Variants in OXCT1 observed in about 807,000 individuals in gnomAD.
OXCT1 encodes 3-oxoacid CoA-transferase 1, also known as succinyl-CoA:3-ketoacid coenzyme A transferase 1, mitochondrial.
In OXCT1, 27 loss-of-function variants were observed where a neutral mutation model predicts 69.6. The observed-to-expected ratio is 0.39, with a 90% confidence interval of 0.29 to 0.54. The LOEUF is 0.54. Ranked by LOEUF, OXCT1 falls within the 20% of genes least tolerant of loss-of-function variation. The pLI, the probability that OXCT1 is intolerant of heterozygous loss-of-function variation, is 0.72. For synonymous variants in OXCT1, 202 were observed against 217.8 expected (o/e 0.93, Z 0.64); for missense variants, 437 against 650.2 (o/e 0.67, Z 3.57).
chr5:41,842,071 A>G (rs571664634), intron 6 of OXCT1, among the ~76,000 whole-genome samples: 1 of 152,352 alleles, frequency 6.6e-6, no homozygotes, highest in Non-Finnish European at 1.5e-5. Context: ...CTCAAAAAAC[A>G]ACTATATAAA....
chr5:41,757,547 T>C (rs1038602026), intron 14 of OXCT1, among the ~76,000 whole-genome samples: 1 of 152,094 alleles, frequency 6.6e-6, no homozygotes, highest in Non-Finnish European at 1.5e-5. Context: ...TTTGTACATA[T>C]CAAGTCCTCA....
Position 41,739,414 on chromosome 5 carries a change from C to T in OXCT1, c.1497G>A (p.Gln499=), listed in dbSNP as rs1373812278. The T allele has an allele frequency of 8.7e-6, 14 of 1,612,592 alleles. No homozygotes were observed. Among genetic ancestry groups the T allele is most frequent in the Non-Finnish European group, 1.1e-5 (13 of 1,178,680 alleles). Residue 499 remains glutamine, a synonymous_variant, in exon 16 of 17, where the codon CAG becomes CAA. Transcript: ENST00000196371. The part of the protein sequence containing the change: ...LWEGLTVDDV[Q]KSTGCDFAVS... ...CTGCAAAATCACACCCAGTACTCTTCTGTACGTCATCCACTGTCAGGCCTT... is the reference window on the plus strand; with the variant it reads ...CTGCAAAATCACACCCAGTACTCTTTTGTACGTCATCCACTGTCAGGCCTT...
At chr5:41,860,001 G>T (rs1376191363) in intron 3 of OXCT1, among the ~76,000 whole-genome samples, 3 of 150,744 alleles carry the variant, frequency 2.0e-5, no homozygotes, top group Non-Finnish European at 2.9e-5. Context: ...TCTGCATCAA[G>T]AATTTTATAT....
intron 14 of OXCT1, among the ~76,000 whole-genome samples, chr5:41,756,803 G>C (rs538251200): frequency 2.6e-5 from 4 of 152,212 alleles, no homozygotes; most frequent in African/African-American, 9.6e-5. Flanking sequence ...TGAGTGAAGT[G>C]AGGCAGTGAG....
At chr5:41,754,565 T>A (rs200096934) in intron 14 of OXCT1, among the ~76,000 whole-genome samples, 12 of 151,926 alleles carry the variant, frequency 7.9e-5, no homozygotes, top group East Asian at 1.9e-4. Flanking sequence ...AATTAAAAAA[T>A]TTAATTTTTT....
chr5:41,806,434 G>C (rs1183651241), intron 8 of OXCT1, among the ~76,000 whole-genome samples: 1 of 152,044 alleles, frequency 6.6e-6, no homozygotes, highest in Non-Finnish European at 1.5e-5. Flanking sequence ...ATTTAGATAT[G>C]TGTCCCCTCC....
At chr5:41,801,208 A>T in intron 10 of OXCT1, 138 bp from the exon 11 acceptor site, 1 of 710,996 alleles carries the variant, frequency 1.4e-6, no homozygotes. Flanking sequence ...TTGAAAAATA[A>T]TTCGGTTGTG....
intron 16 of OXCT1, among the ~76,000 whole-genome samples, chr5:41,738,705 A>G (rs1743011918): frequency 6.6e-6 from 1 of 152,250 alleles, no homozygotes; most frequent in Non-Finnish European, 1.5e-5. Flanking sequence ...CATGCTTTCA[A>G]TGCCATTAGC....
In OXCT1 at chr5:41,801,083, A is replaced by T; in HGVS notation, c.1051-13T>A. The T allele has an allele frequency of 1.3e-6, 2 of 1,590,056 alleles. No homozygotes were observed. Among genetic ancestry groups the T allele is most frequent in the Non-Finnish European group, 1.7e-6 (2 of 1,158,190 alleles). On this transcript the variant is annotated splice_polypyrimidine_tract_variant and intron_variant, in intron 10 of 16. Transcript: ENST00000196371. ...GTGGATATGGACCCTGTCAAATACA[A>T]CATACATTCAATTAGTAAATGAAGA...
intron 16 of OXCT1, among the ~76,000 whole-genome samples, chr5:41,738,347 A>T (rs1219994405): frequency 6.6e-6 from 1 of 152,128 alleles, no homozygotes; most frequent in Admixed American, 6.6e-5. Flanking sequence ...GTGTCACGGG[A>T]GGGACCTGGT....
chr5:41,847,756 A>G (rs1007778786), intron 5 of OXCT1, among the ~76,000 whole-genome samples: 4 of 152,228 alleles, frequency 2.6e-5, no homozygotes, highest in African/African-American at 9.7e-5. Flanking sequence ...CTCTCAATAA[A>G]TTAGGTATTG....
intron 15 of OXCT1, among the ~76,000 whole-genome samples, chr5:41,748,124 T>C (rs1317596984): frequency 6.6e-6 from 1 of 152,108 alleles, no homozygotes; most frequent in African/African-American, 2.4e-5. Flanking sequence ...CATTAGATTA[T>C]GAGTGCCAAA....
At chr5:41,741,349 G>A (rs1743157287) in intron 15 of OXCT1, among the ~76,000 whole-genome samples, 1 of 152,114 alleles carries the variant, frequency 6.6e-6, no homozygotes, top group Non-Finnish European at 1.5e-5. Flanking sequence ...GCAACACGTA[G>A]AGAAAAGAAC....
chr5:41,869,053 C>T (rs1207729646), intron 1 of OXCT1, among the ~76,000 whole-genome samples: 1 of 152,202 alleles, frequency 6.6e-6, no homozygotes, highest in Non-Finnish European at 1.5e-5. Flanking sequence ...AGCTTCAGCA[C>T]CGCTGCAATC....
intron 16 of OXCT1, among the ~76,000 whole-genome samples, chr5:41,736,009 G>T (rs1742868404): frequency 6.6e-6 from 1 of 152,190 alleles, no homozygotes. Flanking sequence ...CAACTGAAAA[G>T]CCTGCTGTGG....
chr5:41,767,722 G>GTGTATATATATATATATATA (rs1554011237), intron 13 of OXCT1, among the ~76,000 whole-genome samples: 15 of 89,948 alleles, frequency 1.7e-4, no homozygotes, highest in African/African-American at 5.4e-4. Context: ...ATATGTGTGT[G>GTGTATATATATATATATATA]TATATATATA....
At chr5:41,785,530 C>T (rs975960469) in intron 13 of OXCT1, among the ~76,000 whole-genome samples, 5 of 152,090 alleles carry the variant, frequency 3.3e-5, no homozygotes, top group East Asian at 3.8e-4. Context: ...ATTTATATCA[C>T]GTGCAGAATT....
At chr5:41,769,388 T>C (rs1223453556) in intron 13 of OXCT1, among the ~76,000 whole-genome samples, 1 of 152,196 alleles carries the variant, frequency 6.6e-6, no homozygotes, top group East Asian at 1.9e-4. Flanking sequence ...CTCACATCTG[T>C]TCTGATTAAT....
intron 11 of OXCT1, among the ~76,000 whole-genome samples, chr5:41,797,770 T>A (rs1746247792): frequency 6.6e-6 from 1 of 152,182 alleles, no homozygotes; most frequent in African/African-American, 2.4e-5. Flanking sequence ...CATGGAAGAT[T>A]TATGAAATGC....
Sources: gnomAD v4.1 joint callset for allele counts (sites outside exome capture counted in the v4.1 genomes callset) on GRCh38, gnomAD v4.1.1 for gene constraint, MANE v1.5 for transcripts, NCBI Gene and HGNC (gene_info 2026-07-23, HGNC 2026-07-21) for gene names.